The following STX3 variants were observed in gnomAD, a reference collection of about 807,000 sequenced individuals.
The protein encoded by STX3 is syntaxin-3.
In STX3, 19 loss-of-function variants were observed where a neutral mutation model predicts 40.2. The observed-to-expected ratio is 0.47, with a 90% CI of 0.33 to 0.69. STX3 has a LOEUF of 0.69. Ranked by LOEUF, STX3 falls within the 30% of genes least tolerant of loss-of-function variation. The pLI is 0.02. For synonymous variants in STX3, 122 were observed against 132.2 expected (o/e 0.92, Z 0.53); for missense variants, 364 against 366.7 (o/e 0.99, Z 0.06).
chr11:59,783,011 TTAA>T (rs1026661382), intron 2 of STX3, among the ~76,000 whole-genome samples: 2 of 149,754 alleles, frequency 1.3e-5, no homozygotes, highest in African/African-American at 5.0e-5. Flanking sequence ...AAAAAAAAAA[TTAA>T]TAAACAATGT....
chr11:59,769,956 G>T (rs188734379), intron 1 of STX3, among the ~76,000 whole-genome samples: 24 of 150,428 alleles, frequency 1.6e-4, no homozygotes, highest in African/African-American at 5.9e-4. Flanking sequence ...TGTGGGTGTC[G>T]GTGTGTGGGA....
At chr11:59,762,273 C>T (rs1156453088) in intron 1 of STX3, among the ~76,000 whole-genome samples, 6 of 152,242 alleles carry the variant, frequency 3.9e-5, no homozygotes, top group African/African-American at 1.4e-4. Flanking sequence ...GGCAACACTC[C>T]AGATGGCTGA....
At chr11:59,755,716 C>A in intron 1 of STX3, 81 bp downstream of exon 1, 1 of 1,446,140 alleles carries the variant, frequency 6.9e-7, no homozygotes, top group Non-Finnish European at 9.1e-7. Context: ...CAAGTCGAGG[C>A]TGGAGGGGGG....
At chr11:59,775,680 A>G (rs903247141) in intron 2 of STX3, among the ~76,000 whole-genome samples, 1 of 152,218 alleles carries the variant, frequency 6.6e-6, no homozygotes, top group Non-Finnish European at 1.5e-5. Context: ...CCTTTCAAGG[A>G]TGCCATGAGG....
At chr11:59,769,616 A>T (rs1380825760) in intron 1 of STX3, among the ~76,000 whole-genome samples, 9 of 152,090 alleles carry the variant, frequency 5.9e-5, no homozygotes, top group Non-Finnish European at 1.5e-5. Flanking sequence ...CAAAGCTAAG[A>T]AGTAGCCATT....
intron 1 of STX3, among the ~76,000 whole-genome samples, chr11:59,771,694 G>A (rs1239298023): frequency 6.6e-6 from 1 of 152,108 alleles, no homozygotes; most frequent in East Asian, 1.9e-4. Flanking sequence ...GGAATGGTGT[G>A]TCCAACTGCT....
At chr11:59,787,213 T>G in intron 3 of STX3, 77 bp downstream of exon 3, 2 of 1,312,224 alleles carry the variant, frequency 1.5e-6, no homozygotes, top group Non-Finnish European at 2.2e-6. Context: ...TTTCTTGCCC[T>G]TCGTGAGCAG....
chr11:59,801,637 A>G lies in STX3; in HGVS notation c.*813A>G. 1 of 985,688 alleles carries G rather than the reference A, an allele frequency of 1.0e-6. No individual in the cohort carries two copies. Among genetic ancestry groups the G allele is most frequent in the South Asian group, 4.7e-5 (1 of 21,288 alleles). 61.1% of individuals were successfully genotyped at this position (985,688 alleles called of 1,614,324 possible). The stretch of plus-strand genomic sequence containing the variant: ...TGAGACTATTGTCTTGGGGCCAAAA[A>G]TAATCAGGGATTTTAAATTGGGCAA... On this transcript the variant is annotated 3_prime_UTR_variant, in exon 11 of 11. Transcript: ENST00000337979.
chr11:59,780,707 C>T (rs1468735178), intron 2 of STX3, among the ~76,000 whole-genome samples: 1 of 152,198 alleles, frequency 6.6e-6, no homozygotes, highest in Non-Finnish European at 1.5e-5. Flanking sequence ...TGCCTTCCTT[C>T]TCTTTCGCTC....
chr11:59,774,825 C>T (rs1863866383), intron 2 of STX3, among the ~76,000 whole-genome samples: 1 of 151,298 alleles, frequency 6.6e-6, no homozygotes, highest in Admixed American at 6.6e-5. Flanking sequence ...CGGTAGACTC[C>T]GTCTCAAAAA....
At position 59,805,608 on chromosome 11, in the gene STX3, C is replaced by T. The variant is rs905117334; in HGVS notation, c.*4784C>T. 1 of 152,154 alleles carries T rather than the reference C, an allele frequency of 6.6e-6. No homozygotes were observed. Among genetic ancestry groups the T allele is most frequent in the African/African-American group, 2.4e-5 (1 of 41,408 alleles). 9.4% of individuals were successfully genotyped at this position (152,154 alleles called of 1,614,324 possible). A position where few individuals can be genotyped will look rare whatever the true frequency, so the allele number is the denominator to read the frequency against. On this transcript the variant is annotated 3_prime_UTR_variant, in exon 11 of 11. Transcript: ENST00000337979. ...GAGCTGGAGCTATGAGGATCTGAGTCCTAGGGGGCCCTCATTCACTAGCAG... is the reference window on the plus strand; with the variant it reads ...GAGCTGGAGCTATGAGGATCTGAGTTCTAGGGGGCCCTCATTCACTAGCAG...
chr11:59,775,248 C>T (rs975472534), intron 2 of STX3, among the ~76,000 whole-genome samples: 5 of 152,202 alleles, frequency 3.3e-5, no homozygotes, highest in African/African-American at 4.8e-5. Context: ...TCCTCACAGG[C>T]GGGTCCATCA....
intron 10 of STX3, chr11:59,800,123 C>T (rs1865790246): frequency 1.0e-6 from 1 of 985,374 alleles, no homozygotes; most frequent in Non-Finnish European, 1.2e-6. Context: ...TATCTTTAAC[C>T]TGCTAAATTG....
rs144367547 is a variant in STX3 at position 59,801,713 on chromosome 11, G to A, written c.*889G>A. 1.0e-5 allele frequency: 10 copies of A among 985,682 alleles called. No individual in the cohort carries two copies. In the East Asian group the frequency reaches 4.5e-4, roughly 45 times the overall value. 61.1% of individuals were successfully genotyped at this position (985,682 alleles called of 1,614,324 possible). A position where few individuals can be genotyped will look rare whatever the true frequency, so the allele number is the denominator to read the frequency against. On this transcript the variant is annotated 3_prime_UTR_variant, in exon 11 of 11. Transcript: ENST00000337979. ...TCTGGAAATATTTCATGACACTGGT[G>A]TATTCACTCATGTGTTCCAGATGTA...
At chr11:59,767,068 A>G (rs1206652189) in intron 1 of STX3, among the ~76,000 whole-genome samples, 1 of 152,208 alleles carries the variant, frequency 6.6e-6, no homozygotes, top group Non-Finnish European at 1.5e-5. Context: ...GAGCCTTGAG[A>G]GAGAGGAATT....
intron 6 of STX3, among the ~76,000 whole-genome samples, chr11:59,792,612 GC>G (rs1865259205): frequency 6.6e-6 from 1 of 152,186 alleles, no homozygotes; most frequent in African/African-American, 2.4e-5. Context: ...AATAAATAAA[GC>G]CATACCCTTT....
intron 10 of STX3, 148 bp downstream of exon 10, chr11:59,797,544 A>G: frequency 1.6e-6 from 1 of 623,852 alleles, no homozygotes; most frequent in Non-Finnish European, 2.8e-6. Context: ...TGGATTCTTT[A>G]TCTCCTTATA....
intron 2 of STX3, among the ~76,000 whole-genome samples, chr11:59,786,620 C>G (rs901563062): frequency 6.6e-6 from 1 of 151,574 alleles, no homozygotes; most frequent in African/African-American, 2.4e-5. Context: ...TTTCCTTTCA[C>G]TTCTTTCTTT....
chr11:59,793,291 A>C, intron 7 of STX3, 89 bp from the exon 8 acceptor site: 1 of 1,606,666 alleles, frequency 6.2e-7, no homozygotes. Flanking sequence ...CAGGGAGGCA[A>C]GGAGCTCCCC....
Sources: gnomAD v4.1 joint callset for allele counts (sites outside exome capture counted in the v4.1 genomes callset) on GRCh38, gnomAD v4.1.1 for gene constraint, MANE v1.5 for transcripts, NCBI Gene and HGNC (gene_info 2026-07-23, HGNC 2026-07-21) for gene names.